ANKRD18B: variants seen among roughly 807,000 people sequenced by gnomAD.
ANKRD18B encodes ankyrin repeat domain-containing protein 18B.
Under a neutral mutation model 111.8 loss-of-function variants are expected in ANKRD18B, and 75 were observed. The ratio of observed to expected loss-of-function variants is 0.67; its 90% CI spans 0.56 to 0.81. The LOEUF (loss-of-function observed/expected upper bound fraction) is 0.81. Ranked by LOEUF, ANKRD18B falls within the 40% of genes least tolerant of loss-of-function variation. The pLI, the probability that ANKRD18B is intolerant of heterozygous loss-of-function variation, is 0.00. For missense variants in ANKRD18B, 1,038 were observed against 1,225.5 expected (o/e 0.85, Z 2.28); for synonymous variants, 356 against 417.3 (o/e 0.85, Z 1.79).
At chr9:33,556,483 C>T (rs558652415) in intron 13 of ANKRD18B, among the ~76,000 whole-genome samples, 8 of 152,182 alleles carry the variant, frequency 5.3e-5, no homozygotes, top group African/African-American at 1.4e-4. Context: ...AGGCTGGTCT[C>T]GAACTCCTGA....
intron 12 of ANKRD18B, among the ~76,000 whole-genome samples, chr9:33,554,117 T>C (rs940316209): frequency 4.3e-5 from 5 of 115,412 alleles, no homozygotes; most frequent in African/African-American, 1.6e-4. Flanking sequence ...GGACAAAATA[T>C]ACTGGCCCAA....
At position 33,556,611 on chromosome 9, in the gene ANKRD18B, C is replaced by T. The variant is rs542552980; in HGVS notation, c.2330+791C>T. ...AATGCTTTGGACATGTAATGTCAAG[C>T]GCACTTTTCATTATCTAGTTTGAAT... On this transcript the variant is annotated intron_variant, in intron 13 of 18. Transcript: ENST00000684830. Among the ~76,000 whole-genome samples, 520 of 152,230 alleles carry T rather than the reference C, an allele frequency of 3.4e-3. 5 individuals are homozygous for T. Among genetic ancestry groups the T allele is most frequent in the African/African-American group, 0.012 (493 of 41,510 alleles).
chr9:33,551,706 G>A (rs951256041), intron 12 of ANKRD18B, among the ~76,000 whole-genome samples: 85 of 152,106 alleles, frequency 5.6e-4, no homozygotes, highest in Non-Finnish European at 3.8e-4. Flanking sequence ...AACAGCTGTT[G>A]CAAACATTCA....
chr9:33,528,028 G>A (rs886700923), intron 1 of ANKRD18B, among the ~76,000 whole-genome samples: 15 of 152,156 alleles, frequency 9.9e-5, no homozygotes, highest in Non-Finnish European at 1.8e-4. Flanking sequence ...GGCTGGGTGC[G>A]TGGCTCACAC....
chr9:33,544,690 A>T (rs1446631444), intron 10 of ANKRD18B, among the ~76,000 whole-genome samples: 3 of 152,014 alleles, frequency 2.0e-5, no homozygotes, highest in Non-Finnish European at 4.4e-5. Flanking sequence ...ATACAAAATT[A>T]GCTGGGTGTG....
At chr9:33,535,616 A>T (rs1457486807) in intron 5 of ANKRD18B, among the ~76,000 whole-genome samples, 1 of 149,936 alleles carries the variant, frequency 6.7e-6, no homozygotes, top group Non-Finnish European at 1.5e-5. Flanking sequence ...TAATAATGAA[A>T]ATCTCTCATA....
At chr9:33,549,791 AT>A (rs1459331858) in intron 11 of ANKRD18B, among the ~76,000 whole-genome samples, 5 of 152,212 alleles carry the variant, frequency 3.3e-5, no homozygotes, top group East Asian at 3.8e-4. Context: ...TAGCAAAAAA[AT>A]ATTTGATGTA....
chr9:33,540,725 A>T (rs1266469334), intron 8 of ANKRD18B, among the ~76,000 whole-genome samples: 1 of 152,048 alleles, frequency 6.6e-6, no homozygotes, highest in Non-Finnish European at 1.5e-5. Flanking sequence ...CTCTTTTTCA[A>T]GAACGATTTA....
Position 33,548,317 on chromosome 9 carries a change from G to C in ANKRD18B, c.1529G>C (p.Arg510Thr). The C allele has an allele frequency of 6.5e-7, 1 of 1,549,502 alleles. No individual in the cohort carries two copies. Among genetic ancestry groups the C allele is most frequent in the South Asian group, 1.2e-5 (1 of 83,340 alleles). ...AINEYNEILE[R>T]KDLELVLWRA... ...AATGAGTACAATGAAATTTTGGAAA[G>C]AAAAGACCTAGAACTAGTTTTATGG... is the stretch of plus-strand genomic sequence containing the variant. The change falls in exon 11 of 19, where the codon AGA becomes ACA. Residue 510 changes from arginine (R) to threonine (T), a missense_variant. Physicochemically the swap from Arg to Thr is moderately conservative, Grantham distance 71. Coordinates refer to ENST00000684830, the MANE Select transcript of ANKRD18B (RefSeq NM_001393611.1).
chr9:33,555,986 G>A (rs1828520362), intron 13 of ANKRD18B, among the ~76,000 whole-genome samples, 166 bp downstream of exon 13: 1 of 151,920 alleles, frequency 6.6e-6, no homozygotes, highest in East Asian at 1.9e-4. Context: ...AACTTTATAG[G>A]CATGTGAGCA....
intron 9 of ANKRD18B, among the ~76,000 whole-genome samples, chr9:33,542,666 C>A (rs13288888): frequency 6.6e-6 from 1 of 152,066 alleles, no homozygotes; most frequent in Non-Finnish European, 1.5e-5. Flanking sequence ...TGAGCTACGT[C>A]CCCAGCCTAC....
chr9:33,567,784 G>A (rs941749046), intron 16 of ANKRD18B, among the ~76,000 whole-genome samples: 1 of 152,146 alleles, frequency 6.6e-6, no homozygotes, highest in African/African-American at 2.4e-5. Flanking sequence ...ATCTTTAGGT[G>A]TTATCACTAG....
Position 33,567,275 on chromosome 9 carries a change from C to T in ANKRD18B, c.2915C>T (p.Ala972Val). 6.5e-7 allele frequency: 1 copy of T among 1,547,182 alleles called. No homozygotes were observed. Among genetic ancestry groups the T allele is most frequent in the Non-Finnish European group, 8.7e-7 (1 of 1,145,604 alleles). Residue 972 changes from alanine to valine, a missense_variant, in exon 16 of 19, where the codon GCA (alanine) becomes GTA (valine). Transcript: ENST00000684830. Reference protein sequence around the residue: ...LEEYKEAFAVALKANSSMSEK... With the variant: ...LEEYKEAFAVVLKANSSMSEK... ...GAGTATAAGGAAGCCTTTGCAGTAG[C>T]ATTGAAAGCTAACAGTTCCATGTCA... is the stretch of plus-strand genomic sequence containing the variant.
chr9:33,548,351 T>C lies in ANKRD18B; in HGVS notation c.1563T>C (p.Asp521=). The C allele has an allele frequency of 6.5e-7, 1 of 1,549,972 alleles. No homozygotes were observed. Among genetic ancestry groups the C allele is most frequent in the Non-Finnish European group, 8.7e-7 (1 of 1,146,160 alleles). The change falls in exon 11 of 19, where the codon GAT becomes GAC. Residue 521 remains aspartate (D), a synonymous_variant. Coordinates refer to ENST00000684830, the MANE Select transcript of ANKRD18B (RefSeq NM_001393611.1). ...KDLELVLWRA[D]DVSRHETMGS... ...TAGAACTAGTTTTATGGAGAGCAGA[T>C]GATGTTTCTAGACATGAAACAATGG...
intron 3 of ANKRD18B, among the ~76,000 whole-genome samples, chr9:33,530,951 A>G (rs374214165): frequency 2.0e-4 from 31 of 152,158 alleles, no homozygotes; most frequent in African/African-American, 7.5e-4. Flanking sequence ...TACAAGTGAG[A>G]TTTTCTCAGT....
chr9:33,545,405 A>G (rs962962037), intron 10 of ANKRD18B, among the ~76,000 whole-genome samples: 7 of 152,188 alleles, frequency 4.6e-5, no homozygotes, highest in Admixed American at 3.9e-4. Flanking sequence ...AGTCTTTTTG[A>G]TTTGTGGTTT....
At chr9:33,550,974 G>T (rs1251108897) in intron 12 of ANKRD18B, among the ~76,000 whole-genome samples, 1 of 152,154 alleles carries the variant, frequency 6.6e-6, no homozygotes, top group Non-Finnish European at 1.5e-5. Flanking sequence ...TCACTTTTGT[G>T]AATGGACACA....
At position 33,572,571 on chromosome 9, in the gene ANKRD18B, A is replaced by ACG. The variant is rs201645341; in HGVS notation, c.*137_*138insCG. 14 of 1,288,116 alleles carry ACG rather than the reference A, an allele frequency of 1.1e-5. No homozygotes were observed. The highest frequency in any genetic ancestry group is 3.1e-5 in the East Asian group (1 of 32,076). The allele number at this position is 1,288,116 out of a possible 1,614,324, so 79.8% of individuals were successfully genotyped here. A position where few individuals can be genotyped will look rare whatever the true frequency, so the allele number is the denominator to read the frequency against. On this transcript the variant is annotated 3_prime_UTR_variant, in exon 19 of 19. Coordinates refer to ENST00000684830, the MANE Select transcript of ANKRD18B (RefSeq NM_001393611.1). ...GTATATTTATATGTTATTTTAAATG[A>ACG]TTTTTTTAGCCTCCTTAAGTTTTAA...
At chr9:33,567,437 T>G in intron 16 of ANKRD18B, 123 bp downstream of exon 16, 1 of 817,914 alleles carries the variant, frequency 1.2e-6, no homozygotes. Flanking sequence ...GGTAATGTAA[T>G]TTTGGAAAAT....
Sources: allele counts gnomAD v4.1 joint callset (sites outside exome capture counted in the v4.1 genomes callset), GRCh38; gene constraint gnomAD v4.1.1; transcripts MANE v1.5; gene names NCBI Gene and HGNC (gene_info 2026-07-23, HGNC 2026-07-21).